FGGY: variants seen among roughly 807,000 people sequenced by gnomAD.
FGGY encodes the protein FGGY carbohydrate kinase domain containing, also known as FGGY carbohydrate kinase domain-containing protein.
Under a neutral mutation model 71.3 loss-of-function variants are expected in FGGY, and 72 were observed. The ratio of observed to expected loss-of-function variants is 1.01; its 90% confidence interval spans 0.84 to 1.23. The LOEUF (loss-of-function observed/expected upper bound fraction) is 1.23. Ranked by LOEUF, FGGY falls within the 50% of genes most tolerant of loss-of-function variation. The pLI, the probability that FGGY is intolerant of heterozygous loss-of-function variation, is 0.00. For synonymous variants in FGGY, 251 were observed against 250.3 expected, an observed-to-expected ratio of 1.00 and a Z score of -0.02; for missense variants, 668 against 682.3, an observed-to-expected ratio of 0.98 and a Z score of 0.23.
chr1:59,417,256 A>ATT lies in FGGY; in HGVS notation c.554+38425_554+38426dup, dbSNP rs35883764. 2.7e-3 allele frequency among the ~76,000 whole-genome samples: 418 copies of ATT among 152,050 alleles called. 2 individuals are homozygous for ATT. The highest frequency in any genetic ancestry group is 9.6e-3 in the African/African-American group (396 of 41,442). On this transcript the variant is annotated intron_variant, in intron 5 of 15. Coordinates refer to ENST00000303721, the MANE Select transcript of FGGY (RefSeq NM_018291.5). ...ATCTATGTTGTAGTATGTGCCAGTA[A>ATT]TTTTTTTATCAGTTCCTGTTTTAAT...
At chr1:59,472,765 G>A (rs1477726746) in intron 6 of FGGY, among the ~76,000 whole-genome samples, 1 of 151,670 alleles carries the variant, frequency 6.6e-6, no homozygotes, top group Non-Finnish European at 1.5e-5. Flanking sequence ...TAGCTAATCT[G>A]GTGGGGAGGT....
At position 59,373,691 on chromosome 1, in the gene FGGY, A is replaced by T. The variant is rs370366795; in HGVS notation, c.466-5058A>T. 5.1e-4 allele frequency among the ~76,000 whole-genome samples: 78 copies of T among 152,282 alleles called. 1 individual carries two copies. In the East Asian group the frequency reaches 0.011, roughly 22 times the overall value. ...TCTACAGTAACCAAAACAGCATGGT[A>T]CTGGTACCAAAACAGAGATATAGAT... On this transcript the variant is annotated intron_variant, in intron 4 of 15. Transcript: ENST00000303721.
At chr1:59,577,826 C>T (rs747881221) in intron 8 of FGGY, among the ~76,000 whole-genome samples, 2 of 152,122 alleles carry the variant, frequency 1.3e-5, no homozygotes, top group Non-Finnish European at 1.5e-5. Context: ...GCTCAAAAGC[C>T]TTTGATGACT....
At chr1:59,734,364 A>G (rs1350294839) in intron 14 of FGGY, among the ~76,000 whole-genome samples, 1 of 152,046 alleles carries the variant, frequency 6.6e-6, no homozygotes, top group Admixed American at 6.6e-5. Flanking sequence ...CGCCACACCC[A>G]GCTAATTTTT....
intron 7 of FGGY, among the ~76,000 whole-genome samples, chr1:59,523,670 C>G (rs1042056891): frequency 4.6e-5 from 7 of 152,190 alleles, no homozygotes; most frequent in African/African-American, 1.7e-4. Context: ...CAGCAGTCCC[C>G]CCAGCCCACC....
intron 3 of FGGY, among the ~76,000 whole-genome samples, chr1:59,341,927 C>A (rs763744093): frequency 6.6e-6 from 1 of 152,026 alleles, no homozygotes; most frequent in Non-Finnish European, 1.5e-5. Context: ...TAGAAATCAC[C>A]GTCCCAGAAG....
chr1:59,391,003 T>C (rs537971329), intron 5 of FGGY, among the ~76,000 whole-genome samples: 3 of 152,300 alleles, frequency 2.0e-5, no homozygotes, highest in African/African-American at 7.2e-5. Flanking sequence ...TTCAAACCCG[T>C]ATAAGAGCCA....
intron 5 of FGGY, among the ~76,000 whole-genome samples, chr1:59,403,312 A>G (rs569162809): frequency 6.6e-6 from 1 of 152,306 alleles, no homozygotes; most frequent in South Asian, 2.1e-4. Context: ...GTCTATGTCC[A>G]GTGTACAAAT....
At chr1:59,442,444 G>T (rs1436997916) in intron 5 of FGGY, among the ~76,000 whole-genome samples, 1 of 151,684 alleles carries the variant, frequency 6.6e-6, no homozygotes, top group African/African-American at 2.4e-5. Flanking sequence ...TTTTGTTTTT[G>T]TTTTTGTTTT....
At chr1:59,551,890 T>C (rs769765553) in intron 7 of FGGY, among the ~76,000 whole-genome samples, 2 of 152,196 alleles carry the variant, frequency 1.3e-5, no homozygotes, top group Non-Finnish European at 2.9e-5. Flanking sequence ...TACAAAAGCC[T>C]TTGTGCCCTG....
At chr1:59,406,517 C>T (rs577369422) in intron 5 of FGGY, among the ~76,000 whole-genome samples, 4 of 152,244 alleles carry the variant, frequency 2.6e-5, no homozygotes, top group African/African-American at 7.2e-5. Flanking sequence ...TTCATTCAGG[C>T]AGGAGTTAAG....
chr1:59,762,351 A>T (rs2098349963), intron 15 of FGGY, 152 bp from the exon 16 acceptor site: 4 of 590,568 alleles, frequency 6.8e-6, no homozygotes, highest in Non-Finnish European at 1.2e-5. Flanking sequence ...GGTCTGAAAC[A>T]TGCTAATTCA....
intron 6 of FGGY, among the ~76,000 whole-genome samples, chr1:59,509,006 CTA>C (rs1184166535): frequency 6.6e-6 from 1 of 152,200 alleles, no homozygotes; most frequent in East Asian, 1.9e-4. Context: ...TGAGTGGTGT[CTA>C]TCAGAGCCCT....
chr1:59,728,393 A>C (rs1360627416), intron 14 of FGGY, among the ~76,000 whole-genome samples: 1 of 152,076 alleles, frequency 6.6e-6, no homozygotes, highest in African/African-American at 2.4e-5. Context: ...ATTACTCAAT[A>C]TATTGTTACT....
At chr1:59,640,013 ATAAG>A (rs2097004256) in intron 11 of FGGY, among the ~76,000 whole-genome samples, 1 of 152,248 alleles carries the variant, frequency 6.6e-6, no homozygotes, top group African/African-American at 2.4e-5. Flanking sequence ...TATCATGAGA[ATAAG>A]TATGTATGCA....
At chr1:59,508,651 A>G (rs983906593) in intron 6 of FGGY, among the ~76,000 whole-genome samples, 1 of 152,130 alleles carries the variant, frequency 6.6e-6, no homozygotes, top group Non-Finnish European at 1.5e-5. Context: ...ATCCTCTCTC[A>G]TGCCAAGCTG....
At chr1:59,676,161 C>A (rs1326556156) in intron 14 of FGGY, among the ~76,000 whole-genome samples, 1 of 152,060 alleles carries the variant, frequency 6.6e-6, no homozygotes, top group Non-Finnish European at 1.5e-5. Flanking sequence ...AGATAAGACA[C>A]CTCATTTAAT....
intron 10 of FGGY, among the ~76,000 whole-genome samples, chr1:59,632,877 G>C (rs972019904): frequency 2.6e-5 from 4 of 152,066 alleles, no homozygotes; most frequent in African/African-American, 9.7e-5. Flanking sequence ...AGCTAGGACA[G>C]TCAGTGTGAT....
chr1:59,606,293 A>C (rs2096622733), intron 8 of FGGY, among the ~76,000 whole-genome samples: 1 of 152,182 alleles, frequency 6.6e-6, no homozygotes, highest in Admixed American at 6.6e-5. Flanking sequence ...TTTCAAACTT[A>C]GCTTATGTCC....
Sources: gnomAD v4.1 joint callset for allele counts (sites outside exome capture counted in the v4.1 genomes callset) on GRCh38, gnomAD v4.1.1 for gene constraint, MANE v1.5 for transcripts, NCBI Gene and HGNC (gene_info 2026-07-23, HGNC 2026-07-21) for gene names.